DAB1: variants seen among roughly 807,000 people sequenced by gnomAD.
DAB1 encodes the protein disabled homolog 1.
DAB1 carries 15 observed loss-of-function variants against 64.6 expected under a neutral mutation model. The observed-to-expected ratio is 0.23, with a 90% confidence interval of 0.16 to 0.36. The LOEUF (loss-of-function observed/expected upper bound fraction) is 0.36, where lower values mean the gene tolerates loss of function less well. DAB1 is among the 10% of genes least tolerant of loss of function. The probability of loss-of-function intolerance (pLI) is 1.00; values close to 1 mark genes in which losing one functional copy is unlikely to be tolerated. For missense variants in DAB1, 596 were observed against 706.7 expected (o/e 0.84, Z 1.78); for synonymous variants, 235 against 251.9 (o/e 0.93, Z 0.64).
chr1:57,608,412 G>A (rs879388443), intron 7 of DAB1, among the ~76,000 whole-genome samples: 6 of 152,058 alleles, frequency 3.9e-5, no homozygotes, highest in Non-Finnish European at 7.4e-5. Flanking sequence ...GAGAGAGAGA[G>A]AAATGCATTG....
chr1:58,378,491 C>T (rs376278268), intron 3 of DAB1, among the ~76,000 whole-genome samples: 6 of 45,516 alleles, frequency 1.3e-4, no homozygotes, highest in South Asian at 8.0e-4. Context: ...TTAGGCTGCT[C>T]GGGGGTCAGG....
intron 6 of DAB1, among the ~76,000 whole-genome samples, chr1:57,773,098 A>G (rs1006642877): frequency 1.3e-5 from 2 of 152,096 alleles, no homozygotes; most frequent in Non-Finnish European, 2.9e-5. Flanking sequence ...CTTCAGGACC[A>G]TAGCCCTACT....
chr1:57,239,134 T>A (rs990952297), intron 2 of DAB1, among the ~76,000 whole-genome samples: 7 of 152,126 alleles, frequency 4.6e-5, no homozygotes, highest in Admixed American at 1.3e-4. Flanking sequence ...GCACAGCCAG[T>A]CTTTTGGCCC....
chr1:57,584,136 T>C (rs1645349915), intron 7 of DAB1, among the ~76,000 whole-genome samples: 1 of 152,198 alleles, frequency 6.6e-6, no homozygotes, highest in South Asian at 2.1e-4. Context: ...CATAAACTGT[T>C]GAGTGTTCAA....
intron 6 of DAB1, among the ~76,000 whole-genome samples, chr1:57,767,410 C>A (rs537920263): frequency 1.3e-5 from 2 of 152,158 alleles, no homozygotes. Flanking sequence ...ATTTCTTATG[C>A]TACACTGCTC....
intron 3 of DAB1, among the ~76,000 whole-genome samples, chr1:58,383,822 G>T (rs1569712434): frequency 1.3e-5 from 2 of 152,254 alleles, no homozygotes; most frequent in South Asian, 4.1e-4. Context: ...GGCTATTGTG[G>T]ATAATGCTGC....
chr1:57,253,631 C>T (rs1475383296), intron 2 of DAB1, among the ~76,000 whole-genome samples: 1 of 152,060 alleles, frequency 6.6e-6, no homozygotes, highest in East Asian at 1.9e-4. Flanking sequence ...ACTAAAACAC[C>T]CTTGAAATGA....
chr1:58,057,552 G>A (rs1183295546), intron 5 of DAB1, among the ~76,000 whole-genome samples: 3 of 152,132 alleles, frequency 2.0e-5, no homozygotes, highest in Non-Finnish European at 2.9e-5. Flanking sequence ...TGTAAAGACA[G>A]GGGCAGAAAC....
chr1:57,498,756 C>A (rs1410826875), intron 7 of DAB1, among the ~76,000 whole-genome samples: 1 of 152,112 alleles, frequency 6.6e-6, no homozygotes, highest in Non-Finnish European at 1.5e-5. Flanking sequence ...AATGTTATAG[C>A]TGGTGGGAGA....
intron 3 of DAB1, among the ~76,000 whole-genome samples, chr1:58,355,616 G>C (rs975742716): frequency 1.3e-5 from 2 of 151,482 alleles, no homozygotes; most frequent in African/African-American, 2.4e-5. Flanking sequence ...CTCCTTTCCT[G>C]GTAGGCTTAG....
At chr1:58,067,367 T>A (rs1648920548) in intron 5 of DAB1, among the ~76,000 whole-genome samples, 2 of 152,188 alleles carry the variant, frequency 1.3e-5, no homozygotes, top group Non-Finnish European at 2.9e-5. Flanking sequence ...ACGTTTGTTC[T>A]GAAGAGGGAG....
At chr1:57,736,422 C>G (rs756488254) in intron 6 of DAB1, among the ~76,000 whole-genome samples, 6 of 152,066 alleles carry the variant, frequency 3.9e-5, no homozygotes, top group Non-Finnish European at 7.4e-5. Flanking sequence ...AAGGAGACAC[C>G]GAATGTTCAT....
At chr1:58,036,675 G>T (rs1168661891) in intron 5 of DAB1, among the ~76,000 whole-genome samples, 1 of 152,288 alleles carries the variant, frequency 6.6e-6, no homozygotes, top group South Asian at 2.1e-4. Context: ...CAGTCTATAA[G>T]TACAGCTAAA....
At chr1:57,491,956 CA>C (rs1226957599) in intron 7 of DAB1, among the ~76,000 whole-genome samples, 1 of 152,146 alleles carries the variant, frequency 6.6e-6, no homozygotes, top group Non-Finnish European at 1.5e-5. Flanking sequence ...TCAGGGACAG[CA>C]AAGGCTCAGA....
At chr1:58,129,352 T>C (rs1275972684) in intron 5 of DAB1, among the ~76,000 whole-genome samples, 2 of 147,712 alleles carry the variant, frequency 1.4e-5, no homozygotes, top group African/African-American at 5.0e-5. Flanking sequence ...CTCTCTTTTT[T>C]TCTTTATTAG....
chr1:57,321,748 T>A (rs766879142), intron 1 of DAB1, among the ~76,000 whole-genome samples: 7 of 152,174 alleles, frequency 4.6e-5, no homozygotes, highest in Non-Finnish European at 1.0e-4. Flanking sequence ...GGATGAAAGA[T>A]GATAATGAAT....
chr1:57,822,544 C>T (rs976938775), downstream of DAB1, among the ~76,000 whole-genome samples: 5 of 152,174 alleles, frequency 3.3e-5, no homozygotes, highest in Non-Finnish European at 5.9e-5. Context: ...GTACAATAGA[C>T]ATAAAGTGGG....
chr1:57,978,704 T>A (rs945044642), intron 5 of DAB1, among the ~76,000 whole-genome samples: 6 of 151,968 alleles, frequency 3.9e-5, no homozygotes, highest in African/African-American at 1.5e-4. Context: ...CACAAAGAAC[T>A]TAAACAAATT....
At chr1:58,346,149 G>A (rs1643995346) in intron 3 of DAB1, among the ~76,000 whole-genome samples, 1 of 152,338 alleles carries the variant, frequency 6.6e-6, no homozygotes, top group African/African-American at 2.4e-5. Flanking sequence ...CGGCAGTCCG[G>A]CCCATACAGA....
Sources: allele counts gnomAD v4.1 joint callset (sites outside exome capture counted in the v4.1 genomes callset), GRCh38; gene constraint gnomAD v4.1.1; transcripts MANE v1.5; gene names NCBI Gene and HGNC (gene_info 2026-07-23, HGNC 2026-07-21).